Variants in SLC9C2 observed in about 807,000 individuals in gnomAD.
SLC9C2 encodes sodium/hydrogen exchanger 11.
A neutral mutation model predicts 140.2 loss-of-function variants in SLC9C2; 75 were observed. The observed-to-expected ratio is 0.53, with a 90% CI of 0.44 to 0.65. The LOEUF is 0.65. Ranked by LOEUF, SLC9C2 falls within the 30% of genes least tolerant of loss-of-function variation. The pLI is 0.00. For missense variants in SLC9C2, 1,074 were observed against 1,331.8 expected (o/e 0.81, Z 3.01); for synonymous variants, 375 against 420.9 (o/e 0.89, Z 1.34).
chr1:173,558,245 A>G (rs1178299896), intron 9 of SLC9C2, among the ~76,000 whole-genome samples: 1 of 152,198 alleles, frequency 6.6e-6, no homozygotes, highest in Non-Finnish European at 1.5e-5. Context: ...TCATTGAGAA[A>G]CAGAAAATCT....
chr1:173,511,346 A>G (rs981479918), intron 23 of SLC9C2, among the ~76,000 whole-genome samples: 1 of 151,964 alleles, frequency 6.6e-6, no homozygotes. Flanking sequence ...CTGACTTTTT[A>G]ATAATTGCCA....
intron 18 of SLC9C2, among the ~76,000 whole-genome samples, chr1:173,529,553 C>A (rs1341204365): frequency 6.6e-6 from 1 of 151,484 alleles, no homozygotes; most frequent in Non-Finnish European, 1.5e-5. Context: ...TTAAGACTTA[C>A]CCTTTCTTTG....
At chr1:173,504,366 C>CCTG (rs1021148045) in intron 26 of SLC9C2, among the ~76,000 whole-genome samples, 23 of 152,234 alleles carry the variant, frequency 1.5e-4, no homozygotes, top group African/African-American at 5.1e-4. Flanking sequence ...GGCACAGTAC[C>CCTG]CAGCACACAG....
intron 8 of SLC9C2, among the ~76,000 whole-genome samples, chr1:173,574,249 A>C (rs1665016272): frequency 6.6e-6 from 1 of 152,214 alleles, no homozygotes; most frequent in African/African-American, 2.4e-5. Context: ...TTCTCCTTAC[A>C]GGTGGATCTC....
At chr1:173,557,221 G>T in intron 10 of SLC9C2, 119 bp downstream of exon 10, 3 of 926,288 alleles carry the variant, frequency 3.2e-6, no homozygotes, top group Non-Finnish European at 5.0e-6. Flanking sequence ...CTACTTAAAA[G>T]AATGCATTTT....
chr1:173,581,751 AAGG>A (rs1470025292), intron 7 of SLC9C2, 93 bp downstream of exon 7: 1 of 1,045,098 alleles, frequency 9.6e-7, no homozygotes, highest in Non-Finnish European at 1.3e-6. Context: ...GGGCCACAAA[AAGG>A]AGGAGAAGCA....
At position 173,524,234 on chromosome 1, in the gene SLC9C2, T is replaced by A. The variant is rs948748826; in HGVS notation, c.2515-140A>T. 19 of 750,958 alleles carry A rather than the reference T, an allele frequency of 2.5e-5. No individual in the cohort carries two copies. The Admixed American group carries it at 6.3e-4, about 25-fold the overall frequency. 46.5% of individuals were successfully genotyped at this position (750,958 alleles called of 1,614,324 possible). ...TTGACTCACAGCTTGTCTCATCCTA[T>A]CTAAATTCCTCTAACCATTTTTGTC... On this transcript the variant is annotated intron_variant, in intron 20 of 27. Coordinates refer to ENST00000367714, the MANE Select transcript of SLC9C2 (RefSeq NM_178527.4).
At chr1:173,585,311 C>G (rs1420889425) in intron 5 of SLC9C2, among the ~76,000 whole-genome samples, 4 of 152,070 alleles carry the variant, frequency 2.6e-5, no homozygotes, top group Non-Finnish European at 5.9e-5. Context: ...AAAAGAAACA[C>G]TATTAACATT....
At chr1:173,513,845 ATGT>A (rs1258651948) in intron 23 of SLC9C2, among the ~76,000 whole-genome samples, 2 of 152,168 alleles carry the variant, frequency 1.3e-5, no homozygotes, top group African/African-American at 4.8e-5. Flanking sequence ...AGATTCTGGT[ATGT>A]TGTCTCTTTG....
At chr1:173,537,063 T>TAC in intron 13 of SLC9C2, 24 bp from the exon 14 acceptor site, 8 of 1,562,244 alleles carry the variant, frequency 5.1e-6, no homozygotes, top group Non-Finnish European at 7.1e-6. Context: ...AAATGAAGAT[T>TAC]ACAAAAGATC....
rs1176239267 is a variant in SLC9C2, at chr1:173,601,757, G to A, written c.20C>T (p.Ala7Val). The change falls in exon 2 of 28, where the codon GCA (alanine) becomes GTA (valine). Residue 7 changes from alanine to valine, a missense_variant. Physicochemically the swap from Ala to Val is moderately conservative, Grantham distance 64. Transcript: ENST00000367714. MSSYFW[A>V]QNESNRPDLL... ...ATCAGGTCTGTTACTTTCATTTTGT[G>A]CCCAGAAGTAAGAACTCATTTTTGC... is the stretch of plus-strand genomic sequence containing the variant. The A allele has an allele frequency of 1.2e-6, 2 of 1,613,816 alleles. No homozygotes were observed. The highest frequency in any genetic ancestry group is 2.2e-5 in the East Asian group (1 of 44,872).
intron 11 of SLC9C2, among the ~76,000 whole-genome samples, chr1:173,551,961 G>A (rs1439412290): frequency 1.3e-5 from 2 of 152,122 alleles, no homozygotes; most frequent in East Asian, 3.9e-4. Flanking sequence ...CAAGTTGTGA[G>A]TGGAAAAAAA....
At chr1:173,517,930 C>A (rs548358561) in intron 22 of SLC9C2, among the ~76,000 whole-genome samples, 4 of 152,224 alleles carry the variant, frequency 2.6e-5, no homozygotes, top group Admixed American at 2.6e-4. Context: ...CAGATGACCC[C>A]TATTTACAAC....
At chr1:173,554,167 G>A (rs531680738) in intron 11 of SLC9C2, among the ~76,000 whole-genome samples, 259 of 152,240 alleles carry the variant, frequency 1.7e-3, no homozygotes, top group South Asian at 0.015. Flanking sequence ...GAATCTCCAA[G>A]TTTTGGCTGA....
chr1:173,587,026 A>G (rs1665892713), intron 5 of SLC9C2, among the ~76,000 whole-genome samples: 1 of 151,976 alleles, frequency 6.6e-6, no homozygotes, highest in Non-Finnish European at 1.5e-5. Context: ...TTTTAGAAGG[A>G]ACAAAGAAAA....
chr1:173,567,759 T>A (rs1374701180), intron 9 of SLC9C2, among the ~76,000 whole-genome samples: 2 of 152,078 alleles, frequency 1.3e-5, no homozygotes, highest in Non-Finnish European at 2.9e-5. Context: ...TCCAGCCCTT[T>A]CAATGAAGGT....
chr1:173,547,105 C>T (rs1308622547), intron 13 of SLC9C2, among the ~76,000 whole-genome samples: 2 of 151,930 alleles, frequency 1.3e-5, no homozygotes, highest in South Asian at 2.1e-4. Context: ...GGGCACAATT[C>T]ATATTTTATA....
At chr1:173,532,047 G>A (rs1452615202) in intron 17 of SLC9C2, among the ~76,000 whole-genome samples, 1 of 152,154 alleles carries the variant, frequency 6.6e-6, no homozygotes, top group Non-Finnish European at 1.5e-5. Context: ...ACCAGGTACA[G>A]TAACTCTGAA....
chr1:173,557,278 C>A, intron 10 of SLC9C2, 62 bp downstream of exon 10: 1 of 1,502,648 alleles, frequency 6.7e-7, no homozygotes, highest in Non-Finnish European at 9.0e-7. Context: ...GGTTCTCTGA[C>A]AAGTGGGCAA....
Sources: allele counts gnomAD v4.1 joint callset (sites outside exome capture counted in the v4.1 genomes callset), GRCh38; gene constraint gnomAD v4.1.1; transcripts MANE v1.5; gene names NCBI Gene and HGNC (gene_info 2026-07-23, HGNC 2026-07-21).